FBXW8: variants seen among roughly 807,000 people sequenced by gnomAD.
FBXW8 encodes F-box/WD repeat-containing protein 8.
A neutral mutation model predicts 65.3 loss-of-function variants in FBXW8; 57 were observed. The observed-to-expected ratio is 0.87, with a 90% CI of 0.71 to 1.09. The LOEUF is 1.09. Among genes scored for constraint, FBXW8 ranks in the 50% least tolerant of loss-of-function variants. The pLI is 0.00. For synonymous variants in FBXW8, 308 were observed against 330.2 expected, an observed-to-expected ratio of 0.93 and a Z score of 0.73; for missense variants, 777 against 814.8, an observed-to-expected ratio of 0.95 and a Z score of 0.57.
rs1221709274 is a variant in FBXW8 at position 116,985,210 on chromosome 12, T to G, written c.840T>G (p.Phe280Leu). Residue 280 changes from phenylalanine (F) to leucine (L), a missense_variant, in exon 6 of 11, where the codon TTT (phenylalanine) becomes TTG (leucine). Phe to Leu is a conservative substitution (Grantham distance 22, BLOSUM62 0). Transcript: ENST00000652555. ...SLAVAAYEDG[F>L]LNIWDLRTGK... ...GCATTGTTTCTTGCTGCATAGGGTT[T>G]CTTAATATTTGGGATTTAAGGACCG... The G allele has an allele frequency of 3.8e-6, 6 of 1,599,750 alleles. No homozygotes were observed. Among genetic ancestry groups the G allele is most frequent in the Non-Finnish European group, 5.1e-6 (6 of 1,175,124 alleles).
In FBXW8 at chr12:116,964,829, G is replaced by A. The variant is rs1419127104; in HGVS notation, c.810G>A (p.Ser270=). ...PNVSFVRINS[S]LAVAAYEDGF... Reference sequence around the variant, plus strand: ...TCTCCTTTGTGAGGATAAACAGCTCGTTGGCAGTAGCAGCTTATGAGGATG... The same window carrying A: ...TCTCCTTTGTGAGGATAAACAGCTCATTGGCAGTAGCAGCTTATGAGGATG... The change falls in exon 5 of 11, where the codon TCG becomes TCA. Residue 270 remains serine (S), a synonymous_variant. Coordinates refer to ENST00000652555, the MANE Select transcript of FBXW8 (RefSeq NM_153348.3). The A allele has an allele frequency of 3.1e-6, 5 of 1,611,212 alleles. No homozygotes were observed. Among genetic ancestry groups the A allele is most frequent in the Non-Finnish European group, 4.2e-6 (5 of 1,178,972 alleles).
Position 116,911,265 on chromosome 12 carries a change from G to T in FBXW8, c.228G>T (p.Gly76=). The change falls in exon 1 of 11, where the codon GGG becomes GGT. Residue 76 remains glycine, a synonymous_variant. Transcript: ENST00000652555. ...PPAARATRAE[G]QDVASRSRSP... Reference sequence around the variant, plus strand: ...CGGCGCGGGCGACTCGGGCCGAGGGGCAGGACGTAGCGAGCCGCTCACGTT... The same window carrying T: ...CGGCGCGGGCGACTCGGGCCGAGGGTCAGGACGTAGCGAGCCGCTCACGTT... The T allele has an allele frequency of 4.0e-6, 5 of 1,255,192 alleles. No individual in the cohort carries two copies. The highest frequency in any genetic ancestry group is 5.0e-6 in the Non-Finnish European group (5 of 1,003,064). The allele number at this position is 1,255,192 out of a possible 1,614,324, so 77.8% of individuals were successfully genotyped here. A position where few individuals can be genotyped will look rare whatever the true frequency, so the allele number is the denominator to read the frequency against.
chr12:116,918,787 T>G (rs73395566), intron 1 of FBXW8, among the ~76,000 whole-genome samples: 10,648 of 152,124 alleles, frequency 0.07, 977 homozygotes, highest in African/African-American at 0.21. Flanking sequence ...GTTTCCTAAA[T>G]AGAGGAAGTG....
chr12:116,955,395 T>A (rs1356065137), intron 4 of FBXW8, among the ~76,000 whole-genome samples: 1 of 152,210 alleles, frequency 6.6e-6, no homozygotes, highest in Non-Finnish European at 1.5e-5. Context: ...TGAGAAAAAT[T>A]TATGTTCATA....
intron 5 of FBXW8, among the ~76,000 whole-genome samples, chr12:116,966,680 C>G (rs1884346203): frequency 6.6e-6 from 1 of 151,956 alleles, no homozygotes; most frequent in Admixed American, 6.6e-5. Context: ...TGTTGTTGCA[C>G]AGAAATGTTG....
chr12:116,992,387 T>C (rs1953262625), intron 7 of FBXW8, among the ~76,000 whole-genome samples: 1 of 151,278 alleles, frequency 6.6e-6, no homozygotes, highest in Non-Finnish European at 1.5e-5. Context: ...ATAGCAACTA[T>C]GTATTTTTGC....
At chr12:117,013,956 G>C (rs927093927) in intron 8 of FBXW8, among the ~76,000 whole-genome samples, 1 of 151,550 alleles carries the variant, frequency 6.6e-6, no homozygotes, top group Non-Finnish European at 1.5e-5. Flanking sequence ...TTTAGAATCT[G>C]TATATTTATG....
rs749244257 is a variant in FBXW8, at chr12:116,964,770, G to T, written c.751G>T (p.Asp251Tyr). 7 of 1,613,560 alleles carry T rather than the reference G, an allele frequency of 4.3e-6. No individual in the cohort carries two copies. In the South Asian group the frequency reaches 6.6e-5, roughly 15 times the overall value. ...DYVAPFLESE[D>Y]EEDEPGMQPN... ...CGTAGCCCCCTTCCTGGAATCAGAG[G>T]ACGAGGAGGATGAGCCTGGAATGCA... The change falls in exon 5 of 11, where the codon GAC becomes TAC. Residue 251 changes from aspartate to tyrosine, a missense_variant. Coordinates refer to ENST00000652555, the MANE Select transcript of FBXW8 (RefSeq NM_153348.3).
Position 117,028,361 on chromosome 12 carries a change from C to A in FBXW8, c.*189C>A. 1.4e-6 allele frequency: 1 copy of A among 704,946 alleles called. No homozygotes were observed. The highest frequency in any genetic ancestry group is 2.3e-6 in the Non-Finnish European group (1 of 435,360). 43.7% of individuals were successfully genotyped at this position (704,946 alleles called of 1,614,324 possible). The stretch of plus-strand genomic sequence containing the variant: ...AGCGCCTGGGGCAAGCTGGCGTGTG[C>A]CAGGGCTCGAGTCCCACGTGCTGCC... On this transcript the variant is annotated 3_prime_UTR_variant, in exon 11 of 11. Transcript: ENST00000652555. This position sits in a 1 kb window ranked among gnomAD's most constrained non-coding sequence, Gnocchi z 4.1.
chr12:116,939,190 AAAATCCC>A (rs1403733361), intron 2 of FBXW8, among the ~76,000 whole-genome samples: 1 of 152,196 alleles, frequency 6.6e-6, no homozygotes, highest in Non-Finnish European at 1.5e-5. Flanking sequence ...CCCAAATCCA[AAAATCCC>A]AAATCCCAAA....
At chr12:116,973,785 C>G (rs928632664) in intron 5 of FBXW8, among the ~76,000 whole-genome samples, 1 of 152,146 alleles carries the variant, frequency 6.6e-6, no homozygotes, top group Non-Finnish European at 1.5e-5. Flanking sequence ...AAGAACATTA[C>G]TGGGACAGTT....
chr12:116,916,909 T>TGAGA (rs563401472), intron 1 of FBXW8, among the ~76,000 whole-genome samples: 81 of 61,480 alleles, frequency 1.3e-3, no homozygotes, highest in Middle Eastern at 0.011. Context: ...TGTGTGTGTG[T>TGAGA]GTGAGAGAGA....
At chr12:116,940,463 T>TA (rs1882483850) in intron 2 of FBXW8, among the ~76,000 whole-genome samples, 1 of 147,390 alleles carries the variant, frequency 6.8e-6, no homozygotes, top group Non-Finnish European at 1.5e-5. Context: ...AATTTAGGTA[T>TA]AAAAAATAGT....
intron 5 of FBXW8, among the ~76,000 whole-genome samples, chr12:116,979,777 CAA>C (rs60145855): frequency 2.9e-3 from 216 of 74,442 alleles, no homozygotes; most frequent in African/African-American, 7.2e-3. Context: ...CAGGGAATGG[CAA>C]AAAAAAAAAA....
chr12:117,014,094 C>T (rs1565942290), intron 8 of FBXW8, among the ~76,000 whole-genome samples: 1 of 152,152 alleles, frequency 6.6e-6, no homozygotes, highest in Non-Finnish European at 1.5e-5. Context: ...TTCCAACAGG[C>T]CACCAAAGCT....
At chr12:117,014,900 T>C (rs1247453998) in intron 8 of FBXW8, among the ~76,000 whole-genome samples, 2 of 152,154 alleles carry the variant, frequency 1.3e-5, no homozygotes, top group Non-Finnish European at 2.9e-5. Flanking sequence ...CCTTACACTT[T>C]CCAGCCTTCA....
In FBXW8 at chr12:116,961,925, G is replaced by A. The variant is rs191736001; in HGVS notation, c.678-2772G>A. 1.3e-3 allele frequency among the ~76,000 whole-genome samples: 194 copies of A among 152,264 alleles called. No individual in the cohort carries two copies. The highest frequency in any genetic ancestry group is 6.8e-3 in the Middle Eastern group (2 of 294). ...GAATCAGGGAGCCTGTAGTAGTCGG[G>A]TGTGAATGTGAGGTGTTGGGGGATT... On this transcript the variant is annotated intron_variant, in intron 4 of 10. Coordinates refer to ENST00000652555, the MANE Select transcript of FBXW8 (RefSeq NM_153348.3). The surrounding 1 kb of genome is among the most constrained non-coding windows in gnomAD (Gnocchi z 4.4).
chr12:116,930,185 A>G (rs1221561798), intron 2 of FBXW8, among the ~76,000 whole-genome samples: 1 of 152,204 alleles, frequency 6.6e-6, no homozygotes, highest in East Asian at 1.9e-4. Context: ...TTGGATGTAT[A>G]CCCAGCAACC....
rs1884176921 is a variant in FBXW8, at chr12:116,964,398, C to T, written c.678-299C>T. Among the ~76,000 whole-genome samples the T allele has an allele frequency of 2.0e-5, 3 of 152,174 alleles. No homozygotes were observed. In the South Asian group the frequency reaches 6.2e-4, roughly 31 times the overall value. ...CCTGTAGTGGGAGAGCTTGCAGGAG[C>T]AGATTGTTGTAATAGTGTAAAAGGA... On this transcript the variant is annotated intron_variant, in intron 4 of 10. Transcript: ENST00000652555.
Sources: allele counts gnomAD v4.1 joint callset (sites outside exome capture counted in the v4.1 genomes callset), GRCh38; gene constraint gnomAD v4.1.1; non-coding constraint Gnocchi (gnomAD v3.1); transcripts MANE v1.5; gene names NCBI Gene and HGNC (gene_info 2026-07-23, HGNC 2026-07-21).